SCEL: variants seen among roughly 807,000 people sequenced by gnomAD.
The protein encoded by SCEL is sciellin.
Under a neutral mutation model 117.6 loss-of-function variants are expected in SCEL, and 113 were observed. That is an observed-to-expected ratio of 0.96 (90% confidence interval 0.83 to 1.12). The LOEUF (loss-of-function observed/expected upper bound fraction) is 1.12. Ranked by LOEUF, SCEL falls within the 50% of genes most tolerant of loss-of-function variation. The probability of loss-of-function intolerance (pLI) is 0.00; values close to 1 mark genes in which losing one functional copy is unlikely to be tolerated. For missense variants in SCEL, 785 were observed against 810.8 expected, an observed-to-expected ratio of 0.97 and a Z score of 0.39; for synonymous variants, 270 against 256.2, an observed-to-expected ratio of 1.05 and a Z score of -0.51.
intron 27 of SCEL, among the ~76,000 whole-genome samples, chr13:77,627,746 A>G (rs996410007): frequency 3.3e-5 from 5 of 152,190 alleles, no homozygotes; most frequent in South Asian, 2.1e-4. Flanking sequence ...TTTCTCTTTC[A>G]CAATGTAATC....
rs761567461 is a variant in SCEL at position 77,563,899 on chromosome 13, G to T, written c.290G>T (p.Arg97Met). 6 of 1,575,480 alleles carry T rather than the reference G, an allele frequency of 3.8e-6. No homozygotes were observed. Among genetic ancestry groups the T allele is most frequent in the Non-Finnish European group, 5.2e-6 (6 of 1,164,928 alleles). ...TACAGTTCTGATGACACTTTGGACA[G>T]GTAAGGGGCTTTTGAACCATATAAA... is the stretch of plus-strand genomic sequence containing the variant. ...SRYSSDDTLD[R>M]ISDRNDAAKT... is the part of the protein sequence containing the mutation. Residue 97 changes from arginine to methionine, a missense_variant and splice_region_variant, in exon 5 of 33, where the codon AGG (arginine) becomes ATG (methionine). Transcript: ENST00000349847.
intron 19 of SCEL, among the ~76,000 whole-genome samples, chr13:77,606,015 C>T (rs1407302463): frequency 6.6e-6 from 1 of 152,110 alleles, no homozygotes; most frequent in Non-Finnish European, 1.5e-5. Context: ...CCAATCAGGA[C>T]TTATTTTTCT....
Position 77,602,124 on chromosome 13 carries a change from G to T in SCEL, c.977G>T (p.Gly326Val). The T allele has an allele frequency of 6.2e-7, 1 of 1,610,304 alleles. No individual in the cohort carries two copies. Among genetic ancestry groups the T allele is most frequent in the South Asian group, 1.1e-5 (1 of 90,380 alleles). Reference sequence around the variant, plus strand: ...CAAAGGACTGACAAAAATGAGAAAGGGTAAGTCAATCTCCTACCTTGATGG... The same window carrying T: ...CAAAGGACTGACAAAAATGAGAAAGTGTAAGTCAATCTCCTACCTTGATGG... ...VNQRTDKNEK[G>V]RQNLESVAKV... is the part of the protein sequence containing the mutation. The change falls in exon 16 of 33, where the codon GGA becomes GTA. Residue 326 changes from glycine to valine, a missense_variant and splice_region_variant. Coordinates refer to ENST00000349847, the MANE Select transcript of SCEL (RefSeq NM_144777.3).
chr13:77,599,043 A>G (rs530123028), intron 13 of SCEL, among the ~76,000 whole-genome samples: 72 of 152,326 alleles, frequency 4.7e-4, no homozygotes, highest in African/African-American at 1.7e-3. Flanking sequence ...TTTAAAGCCC[A>G]CGCTTGAAAG....
At chr13:77,624,443 C>T (rs2154404675) in intron 27 of SCEL, among the ~76,000 whole-genome samples, 1 of 152,214 alleles carries the variant, frequency 6.6e-6, no homozygotes, top group Non-Finnish European at 1.5e-5. Flanking sequence ...TTTGTCTTCC[C>T]TCTGTGTGTG....
intron 1 of SCEL, among the ~76,000 whole-genome samples, chr13:77,549,383 C>T (rs1001711399): frequency 1.3e-5 from 2 of 152,136 alleles, no homozygotes; most frequent in Admixed American, 6.6e-5. Context: ...ATAGCAGGTG[C>T]TCAATTGAAA....
chr13:77,589,633 A>C (rs976707153), intron 10 of SCEL, among the ~76,000 whole-genome samples: 29 of 152,172 alleles, frequency 1.9e-4, no homozygotes, highest in South Asian at 8.3e-4. Flanking sequence ...TCCCACTAAG[A>C]GATACAGATT....
chr13:77,644,281 C>G lies in SCEL; in HGVS notation c.*7C>G. 7 of 1,612,654 alleles carry G rather than the reference C, an allele frequency of 4.3e-6. No homozygotes were observed. The highest frequency in any genetic ancestry group is 2.7e-5 in the African/African-American group (2 of 74,942). On this transcript the variant is annotated 3_prime_UTR_variant, in exon 33 of 33. Coordinates refer to ENST00000349847, the MANE Select transcript of SCEL (RefSeq NM_144777.3). ...AGCAAAGTGGATTCCATAACTCTGG[C>G]ACAAGGAAATCAAGATGAAAAGCAC...
chr13:77,633,018 G>C (rs1473760661), intron 28 of SCEL, among the ~76,000 whole-genome samples: 4 of 152,200 alleles, frequency 2.6e-5, no homozygotes, highest in African/African-American at 9.7e-5. Flanking sequence ...TTCTGTCCTT[G>C]ATAAAAAGGG....
chr13:77,616,572 C>T (rs1288835788), intron 24 of SCEL, among the ~76,000 whole-genome samples: 1 of 151,836 alleles, frequency 6.6e-6, no homozygotes, highest in Non-Finnish European at 1.5e-5. Flanking sequence ...CAGTTAGAGC[C>T]TTTCCATAGA....
At chr13:77,611,487 A>G (rs2088638166) in intron 22 of SCEL, among the ~76,000 whole-genome samples, 2 of 152,166 alleles carry the variant, frequency 1.3e-5, no homozygotes, top group Admixed American at 1.3e-4. Flanking sequence ...GAGACCATAT[A>G]ATTACATTAC....
intron 9 of SCEL, among the ~76,000 whole-genome samples, chr13:77,574,135 T>C (rs939527918): frequency 7.9e-5 from 12 of 152,250 alleles, no homozygotes; most frequent in Non-Finnish European, 1.3e-4. Context: ...ATTATTCCAA[T>C]ATCATTATAA....
At chr13:77,603,189 A>C in intron 18 of SCEL, 54 bp downstream of exon 18, 1 of 1,176,802 alleles carries the variant, frequency 8.5e-7, no homozygotes, top group Non-Finnish European at 1.2e-6. Flanking sequence ...CAATCAGAAG[A>C]TAAAATAATT....
intron 28 of SCEL, among the ~76,000 whole-genome samples, chr13:77,633,233 G>A (rs1453434979): frequency 1.3e-5 from 2 of 150,150 alleles, no homozygotes; most frequent in Non-Finnish European, 3.0e-5. Context: ...TCAGGAGATC[G>A]AGACCATCCT....
rs192034270 is a variant in SCEL, at chr13:77,611,227, C to T, written c.1337+1121C>T. Among the ~76,000 whole-genome samples the T allele has an allele frequency of 3.9e-4, 59 of 152,270 alleles. No individual in the cohort carries two copies. The East Asian group carries it at 8.1e-3, about 21-fold the overall frequency. ...AATAGTGTGAAAGCAGCCATAAGTA[C>T]CTTGTGAACAAATGGGCATGGCTGC... On this transcript the variant is annotated intron_variant, in intron 22 of 32. Transcript: ENST00000349847.
At chr13:77,555,826 G>A in intron 1 of SCEL, 31 bp from the exon 2 acceptor site, 3 of 1,445,036 alleles carry the variant, frequency 2.1e-6, no homozygotes, top group Non-Finnish European at 1.9e-6. Flanking sequence ...AGTCATTGAT[G>A]TGCTTTCTCT....
chr13:77,640,815 T>TA (rs1273231341), intron 31 of SCEL, 31 bp downstream of exon 31: 1 of 1,121,080 alleles, frequency 8.9e-7, no homozygotes, highest in Non-Finnish European at 1.3e-6. Context: ...CTTAATTAAA[T>TA]AAAAAATTGC....
chr13:77,566,055 A>G (rs2085269640), intron 5 of SCEL, among the ~76,000 whole-genome samples: 1 of 152,352 alleles, frequency 6.6e-6, no homozygotes, highest in Non-Finnish European at 1.5e-5. Context: ...ATCAACATAC[A>G]TATTGGAATG....
At position 77,644,619 on chromosome 13, in the gene SCEL, C is replaced by T. The variant is rs570032107; in HGVS notation, c.*345C>T. On this transcript the variant is annotated 3_prime_UTR_variant, in exon 33 of 33. Transcript: ENST00000349847. ...TAAACCAAGTTTCTCATTTCTTCAC[C>T]TTTTTTTCTCTAAGAATTTGGATTC... The T allele has an allele frequency of 5.5e-6, 1 of 180,610 alleles. No individual in the cohort carries two copies. Among genetic ancestry groups the T allele is most frequent in the Non-Finnish European group, 1.1e-5 (1 of 87,280 alleles). The allele number at this position is 180,610 out of a possible 1,614,324, so 11.2% of individuals were successfully genotyped here.
Sources: allele counts gnomAD v4.1 joint callset (sites outside exome capture counted in the v4.1 genomes callset), GRCh38; gene constraint gnomAD v4.1.1; transcripts MANE v1.5; gene names NCBI Gene and HGNC (gene_info 2026-07-23, HGNC 2026-07-21).